The following RBMXL1 variants were observed in gnomAD, a reference collection of about 807,000 sequenced individuals.
RBMXL1 encodes the protein RNA binding motif protein, X-linked-like-1.
A neutral mutation model predicts 29.0 loss-of-function variants in RBMXL1; 18 were observed. The ratio of observed to expected loss-of-function variants is 0.62; its 90% confidence interval spans 0.43 to 0.92. The LOEUF (loss-of-function observed/expected upper bound fraction) is 0.92, where lower values mean the gene tolerates loss of function less well. RBMXL1 is among the 40% of genes least tolerant of loss of function. RBMXL1 has a pLI of 0.00. For missense variants in RBMXL1, 403 were observed against 495.8 expected (o/e 0.81, Z 1.78); for synonymous variants, 141 against 170.4 (o/e 0.83, Z 1.34).
chr1:88,984,951 A>G (rs995207151), intron 2 of RBMXL1, among the ~76,000 whole-genome samples: 1 of 152,188 alleles, frequency 6.6e-6, no homozygotes, highest in African/African-American at 2.4e-5. Flanking sequence ...TGGTTACTTC[A>G]TATCACATGA....
At chr1:88,990,811 TTAAG>T (rs1677750586) in intron 1 of RBMXL1, among the ~76,000 whole-genome samples, 1 of 152,240 alleles carries the variant, frequency 6.6e-6, no homozygotes, top group Admixed American at 6.5e-5. Flanking sequence ...CTGCATTTTA[TTAAG>T]TATTTTGAGC....
intron 2 of RBMXL1, among the ~76,000 whole-genome samples, chr1:88,986,471 T>C (rs1677464759): frequency 1.3e-5 from 2 of 151,326 alleles, no homozygotes; most frequent in South Asian, 4.2e-4. Context: ...TTTGTATGTT[T>C]AATAGAGATG....
chr1:88,987,786 T>C (rs984604825), intron 2 of RBMXL1, among the ~76,000 whole-genome samples: 2 of 152,238 alleles, frequency 1.3e-5, no homozygotes, highest in African/African-American at 4.8e-5. Flanking sequence ...AACAATAATT[T>C]CTTGTTAACA....
rs958193427 is a variant in RBMXL1, at chr1:88,981,997, G to A, written c.*657C>T. The A allele has an allele frequency of 3.2e-5, 31 of 981,488 alleles. No homozygotes were observed. Among genetic ancestry groups the A allele is most frequent in the Admixed American group, 1.2e-4 (2 of 16,266 alleles). The allele number at this position is 981,488 out of a possible 1,614,324, so 60.8% of individuals were successfully genotyped here. On this transcript the variant is annotated 3_prime_UTR_variant, in exon 3 of 3. Transcript: ENST00000652648. ...GGCCAAACTTTTTATTTAGTATTCC[G>A]TAGTTGTTTAGCACACACTTAAATG...
rs765508223 is a variant in RBMXL1, at chr1:88,982,962, C to G, written c.865G>C (p.Gly289Arg). Residue 289 changes from glycine to arginine, a missense_variant, in exon 3 of 3, where the codon GGT becomes CGT. Physicochemically the swap from Gly to Arg is moderately radical, Grantham distance 125. Transcript: ENST00000652648. ...GTAAGTGGAGCACTACGTGAGTTACCATAACTCTCATATGAATCTCTGTAG... is the reference window on the plus strand; with the variant it reads ...GTAAGTGGAGCACTACGTGAGTTACGATAACTCTCATATGAATCTCTGTAG... ...GSYRDSYESY[G>R]NSRSAPLTRG... 1 of 1,613,602 alleles carries G rather than the reference C, an allele frequency of 6.2e-7. No individual in the cohort carries two copies. The highest frequency in any genetic ancestry group is 2.2e-5 in the East Asian group (1 of 44,888).
At chr1:88,988,988 C>T (rs951588731) in intron 1 of RBMXL1, among the ~76,000 whole-genome samples, 12 of 152,070 alleles carry the variant, frequency 7.9e-5, no homozygotes, top group African/African-American at 1.4e-4. Flanking sequence ...AATTGATATC[C>T]GTCATGGGTA....
rs748759247 is a variant in RBMXL1, at chr1:88,983,516, C to T, written c.311G>A (p.Gly104Asp). The change falls in exon 3 of 3, where the codon GGT (glycine) becomes GAT (aspartate). Residue 104 changes from glycine to aspartate, a missense_variant. Physicochemically the swap from Gly to Asp is moderately conservative, Grantham distance 94. Coordinates refer to ENST00000652648, the MANE Select transcript of RBMXL1 (RefSeq NM_001162536.3). Reference protein sequence around the residue: ...HGPPPPPRSRGPPRGFGAGRG... With the variant: ...HGPPPPPRSRDPPRGFGAGRG... ...TCCAGCTCCAAAACCTCTTGGAGGA[C>T]CTCTACTTCTTGGAGGTGGGGGCGG... The T allele has an allele frequency of 6.2e-7, 1 of 1,614,172 alleles. No individual in the cohort carries two copies. The highest frequency in any genetic ancestry group is 8.5e-7 in the Non-Finnish European group (1 of 1,180,036).
At chr1:88,987,643 CTT>C (rs926414830) in intron 2 of RBMXL1, among the ~76,000 whole-genome samples, 1 of 152,146 alleles carries the variant, frequency 6.6e-6, no homozygotes. Flanking sequence ...GATTTTGCCT[CTT>C]TTTTTCTGTA....
intron 1 of RBMXL1, among the ~76,000 whole-genome samples, chr1:88,992,072 G>A (rs1368252876): frequency 1.3e-5 from 2 of 149,444 alleles, no homozygotes; most frequent in African/African-American, 2.5e-5. Context: ...TCCGCCTCCC[G>A]GGTTCACGCC....
chr1:88,982,531 G>A lies in RBMXL1; in HGVS notation c.*123C>T, dbSNP rs1464217404. The stretch of plus-strand genomic sequence containing the variant: ...AAAAATTACGGAAGGGACTTAACAG[G>A]GAATTTAAAAAAGGTAACACAATTT... On this transcript the variant is annotated 3_prime_UTR_variant, in exon 3 of 3. Transcript: ENST00000652648. 3 of 1,367,900 alleles carry A rather than the reference G, an allele frequency of 2.2e-6. No homozygotes were observed. The highest frequency in any genetic ancestry group is 2.9e-6 in the Non-Finnish European group (3 of 1,017,148). 84.7% of individuals were successfully genotyped at this position (1,367,900 alleles called of 1,614,324 possible).
chr1:88,992,610 C>A lies in RBMXL1; in HGVS notation c.-366G>T, dbSNP rs1204536995. 1.3e-5 allele frequency: 2 copies of A among 152,948 alleles called. No individual in the cohort carries two copies. The highest frequency in any genetic ancestry group is 4.8e-5 in the African/African-American group (2 of 41,480). The allele number at this position is 152,948 out of a possible 1,614,324, so 9.5% of individuals were successfully genotyped here. ...CTATCCGGTGCGGGAACCTCGCCTC[C>A]CTAGGCTCGAGTCCCGACTGGGCTT... On this transcript the variant is annotated 5_prime_UTR_variant, in exon 1 of 3. Transcript: ENST00000652648.
chr1:88,991,983 G>GTTTTTTT (rs10638041), intron 1 of RBMXL1, among the ~76,000 whole-genome samples: 4 of 144,796 alleles, frequency 2.8e-5, no homozygotes, highest in Non-Finnish European at 4.5e-5. Flanking sequence ...TATTCTTTTG[G>GTTTTTTT]TTTTTTTTTT....
intron 2 of RBMXL1, among the ~76,000 whole-genome samples, chr1:88,986,354 G>C (rs915875473): frequency 6.7e-6 from 1 of 149,676 alleles, no homozygotes; most frequent in African/African-American, 2.5e-5. Flanking sequence ...GGCCAGGCGC[G>C]GTGGCTCACG....
At chr1:88,985,167 C>T (rs1677374981) in intron 2 of RBMXL1, among the ~76,000 whole-genome samples, 2 of 152,136 alleles carry the variant, frequency 1.3e-5, no homozygotes, top group African/African-American at 4.8e-5. Context: ...GAACAAAAAG[C>T]CTGGTTTATT....
Position 88,981,370 on chromosome 1 carries a change from T to C in RBMXL1, c.*1284A>G, listed in dbSNP as rs1677081311. On this transcript the variant is annotated 3_prime_UTR_variant, in exon 3 of 3. Transcript: ENST00000652648. The stretch of plus-strand genomic sequence containing the variant: ...AATTGAAGAGTTGTCCCCATGACTT[T>C]AGCTAAACAAAATGAAACCCAAAGC... 1 of 152,338 alleles carries C rather than the reference T, an allele frequency of 6.6e-6. No homozygotes were observed. The highest frequency in any genetic ancestry group is 6.5e-5 in the Admixed American group (1 of 15,290). 9.4% of individuals were successfully genotyped at this position (152,338 alleles called of 1,614,324 possible).
At position 88,982,987 on chromosome 1, in the gene RBMXL1, G is replaced by C; in HGVS notation, c.840C>G (p.Ser280=). Residue 280 remains serine (S), a synonymous_variant, in exon 3 of 3, where the codon TCC becomes TCG. Transcript: ENST00000652648. ...RDYSDHPSGG[S]YRDSYESYGN... is the part of the protein sequence containing the mutation. Reference sequence around the variant, plus strand: ...CATAACTCTCATATGAATCTCTGTAGGAACCTCCACTTGGATGATCTGAAT... The same window carrying C: ...CATAACTCTCATATGAATCTCTGTACGAACCTCCACTTGGATGATCTGAAT... The C allele has an allele frequency of 2.5e-6, 4 of 1,613,498 alleles. No homozygotes were observed. Among genetic ancestry groups the C allele is most frequent in the Non-Finnish European group, 3.4e-6 (4 of 1,179,982 alleles).
chr1:88,991,084 TG>T (rs1677766758), intron 1 of RBMXL1, among the ~76,000 whole-genome samples: 1 of 152,140 alleles, frequency 6.6e-6, no homozygotes, highest in Non-Finnish European at 1.5e-5. Flanking sequence ...CCAAAACGCA[TG>T]ATCTATAGAA....
chr1:88,981,024 C>G lies in RBMXL1; in HGVS notation c.*1630G>C, dbSNP rs1370056561. On this transcript the variant is annotated 3_prime_UTR_variant, in exon 3 of 3. Coordinates refer to ENST00000652648, the MANE Select transcript of RBMXL1 (RefSeq NM_001162536.3). ...AGTTAGTTCCTCTAATCCAACAACT[C>G]AAGTCTGTTTCCTTTGAGAACATTA... is the stretch of plus-strand genomic sequence containing the variant. 1 of 152,200 alleles carries G rather than the reference C, an allele frequency of 6.6e-6. No homozygotes were observed. The highest frequency in any genetic ancestry group is 1.9e-4 in the East Asian group (1 of 5,204). The allele number at this position is 152,200 out of a possible 1,614,324, so 9.4% of individuals were successfully genotyped here.
At chr1:88,989,374 A>T (rs998259175) in intron 1 of RBMXL1, among the ~76,000 whole-genome samples, 2 of 152,218 alleles carry the variant, frequency 1.3e-5, no homozygotes, top group Non-Finnish European at 2.9e-5. Flanking sequence ...ATTCAATCTT[A>T]AAAAAAGTTT....
Sources: allele counts gnomAD v4.1 joint callset (sites outside exome capture counted in the v4.1 genomes callset), GRCh38; gene constraint gnomAD v4.1.1; transcripts MANE v1.5; gene names NCBI Gene and HGNC (gene_info 2026-07-23, HGNC 2026-07-21).